Variants in PDZD2 observed in about 807,000 individuals in gnomAD.
PDZD2 encodes PDZ domain-containing protein 2.
In PDZD2, 90 loss-of-function variants were observed where a neutral mutation model predicts 220.7. The ratio of observed to expected loss-of-function variants is 0.41; its 90% CI spans 0.34 to 0.49. The LOEUF (loss-of-function observed/expected upper bound fraction) is 0.49, where lower values mean the gene tolerates loss of function less well. Ranked by LOEUF, PDZD2 falls within the 20% of genes least tolerant of loss-of-function variation. The pLI is 0.28. For missense variants in PDZD2, 3,174 were observed against 3,608.5 expected (o/e 0.88, Z 3.08); for synonymous variants, 1,375 against 1,450.5 (o/e 0.95, Z 1.18).
At chr5:32,023,381 A>C (rs1754382893) in intron 6 of PDZD2, among the ~76,000 whole-genome samples, 1 of 152,088 alleles carries the variant, frequency 6.6e-6, no homozygotes, top group Non-Finnish European at 1.5e-5. Flanking sequence ...ACCACCACCA[A>C]CAACCCAAAA....
Position 32,088,553 on chromosome 5 carries a change from C to T in PDZD2, c.5105C>T (p.Ala1702Val). The change falls in exon 20 of 25, where the codon GCT becomes GTT. Residue 1702 changes from alanine to valine, a missense_variant. Physicochemically the swap from Ala to Val is moderately conservative, Grantham distance 64. Coordinates refer to ENST00000438447, the MANE Select transcript of PDZD2 (RefSeq NM_178140.4). The surrounding 1 kb of genome is among the most constrained non-coding windows in gnomAD (Gnocchi z 4.6). Reference sequence around the variant, plus strand: ...GAAGAAACCACAGAAGTCACCAGCGCTAGCTCAGCCATGGAAAACAGTCCG... The same window carrying T: ...GAAGAAACCACAGAAGTCACCAGCGTTAGCTCAGCCATGGAAAACAGTCCG... ...CAEETTEVTS[A>V]SSAMENSPLS... 6.2e-7 allele frequency: 1 copy of T among 1,614,120 alleles called. No individual in the cohort carries two copies.
intron 1 of PDZD2, among the ~76,000 whole-genome samples, chr5:31,671,839 T>C (rs1263698678): frequency 1.3e-5 from 2 of 152,244 alleles, no homozygotes. Flanking sequence ...CGGTCAGGTC[T>C]GAAGCTTTGC....
chr5:31,758,698 C>G (rs2150184622), intron 1 of PDZD2, among the ~76,000 whole-genome samples: 1 of 152,266 alleles, frequency 6.6e-6, no homozygotes, highest in Non-Finnish European at 1.5e-5. Flanking sequence ...GAGTCCTCCT[C>G]CCTCCCTTTC....
In PDZD2 at chr5:31,799,439, CCGA is replaced by C; in HGVS notation, c.192_194del (p.Glu65del). 6.2e-7 allele frequency: 1 copy of C among 1,614,210 alleles called. No individual in the cohort carries two copies. Among genetic ancestry groups the C allele is most frequent in the Admixed American group, 1.7e-5 (1 of 60,030 alleles). On this transcript the variant is annotated inframe_deletion, in exon 2 of 25. Coordinates refer to ENST00000438447, the MANE Select transcript of PDZD2 (RefSeq NM_178140.4). The stretch of plus-strand genomic sequence containing the variant: ...ACGGTCCCACCTGATCACAGCCCCC[CCGA>C]AATGGAGATCTGTACTGTGTACCTC...
chr5:31,776,671 C>T (rs567786878), intron 1 of PDZD2, among the ~76,000 whole-genome samples: 39 of 137,020 alleles, frequency 2.8e-4, no homozygotes, highest in South Asian at 2.6e-3. Flanking sequence ...TATTTTGAGA[C>T]GGAGTCTTGC....
chr5:31,992,948 C>T (rs1040743929), intron 3 of PDZD2, among the ~76,000 whole-genome samples: 7 of 151,764 alleles, frequency 4.6e-5, no homozygotes, highest in African/African-American at 1.7e-4. Flanking sequence ...GCGTGGGAGG[C>T]CCAGAAAGCC....
intron 2 of PDZD2, among the ~76,000 whole-genome samples, chr5:31,902,205 A>G (rs79971548): frequency 0.029 from 4,366 of 152,286 alleles, 96 homozygotes; most frequent in Non-Finnish European, 0.043. Flanking sequence ...CCTACCAACA[A>G]TGCATGAGGG....
intron 6 of PDZD2, among the ~76,000 whole-genome samples, chr5:32,018,837 T>C (rs201863167): frequency 6.6e-6 from 1 of 152,202 alleles, no homozygotes; most frequent in Admixed American, 6.5e-5. Flanking sequence ...CAGAGCAAGA[T>C]AGGAAAGACG....
Position 32,090,596 on chromosome 5 carries a change from G to A in PDZD2, c.7148G>A (p.Gly2383Asp), listed in dbSNP as rs1171252231. The change falls in exon 20 of 25, where the codon GGC becomes GAC. Residue 2383 changes from glycine (G) to aspartate (D), a missense_variant. Gly to Asp is a moderately conservative substitution (Grantham distance 94, BLOSUM62 -1). Coordinates refer to ENST00000438447, the MANE Select transcript of PDZD2 (RefSeq NM_178140.4). The surrounding 1 kb of genome is among the most constrained non-coding windows in gnomAD (Gnocchi z 4.3). ...GGCAGCATTGTTTCCGGGAGCCTGG[G>A]CCACCCAGGTGACGCAGCAGCAAGG... The part of the protein sequence containing the change: ...SSGSIVSGSL[G>D]HPGDAAARLL... The A allele has an allele frequency of 4.1e-5, 66 of 1,613,890 alleles. No individual in the cohort carries two copies. The highest frequency in any genetic ancestry group is 5.3e-5 in the Non-Finnish European group (62 of 1,180,002).
intron 14 of PDZD2, among the ~76,000 whole-genome samples, chr5:32,061,574 A>T (rs1739693487): frequency 6.6e-6 from 1 of 152,182 alleles, no homozygotes; most frequent in African/African-American, 2.4e-5. Context: ...TTGAATGATT[A>T]ATTTATTTTT....
At chr5:31,804,121 A>C (rs1754574782) in intron 2 of PDZD2, among the ~76,000 whole-genome samples, 1 of 152,040 alleles carries the variant, frequency 6.6e-6, no homozygotes. Flanking sequence ...ACAGCTGAGG[A>C]AGTAAAATCT....
intron 1 of PDZD2, among the ~76,000 whole-genome samples, chr5:31,730,178 G>A (rs1008516988): frequency 6.6e-6 from 1 of 152,160 alleles, no homozygotes; most frequent in Non-Finnish European, 1.5e-5. Flanking sequence ...TGACTCCTAT[G>A]TACTTCTAGC....
chr5:32,074,288 A>G lies in PDZD2; in HGVS notation c.3182A>G (p.Asp1061Gly). 2 of 1,614,112 alleles carry G rather than the reference A, an allele frequency of 1.2e-6. No individual in the cohort carries two copies. Among genetic ancestry groups the G allele is most frequent in the South Asian group, 2.2e-5 (2 of 91,080 alleles). The change falls in exon 18 of 25, where the codon GAC becomes GGC. Residue 1061 changes from aspartate (D) to glycine (G), a missense_variant. Asp to Gly is a moderately conservative substitution (Grantham distance 94). Around this residue, in one of 4 missense-constraint regions of PDZD2, gnomAD observed 1,861 missense variants for 2,001.0 expected, o/e 0.93. Transcript: ENST00000438447. Reference sequence around the variant, plus strand: ...GCGTCCTATGCAGCCAACCTCACGGACTCTGCAGAGGCCCCCAAGGGGAGC... The same window carrying G: ...GCGTCCTATGCAGCCAACCTCACGGGCTCTGCAGAGGCCCCCAAGGGGAGC... Reference protein sequence around the residue: ...DAASYAANLTDSAEAPKGSPG... With the variant: ...DAASYAANLTGSAEAPKGSPG...
At chr5:32,100,400 C>T (rs1259474671) in intron 23 of PDZD2, 1 of 189,490 alleles carries the variant, frequency 5.3e-6, no homozygotes, top group Non-Finnish European at 1.1e-5. Context: ...AAGTACAAGG[C>T]AAGTTTACAA....
At chr5:31,989,337 T>C (rs534653984) in intron 3 of PDZD2, among the ~76,000 whole-genome samples, 38 of 152,162 alleles carry the variant, frequency 2.5e-4, no homozygotes, top group Admixed American at 4.6e-4. Context: ...GGCCTTTGGT[T>C]CCATCCATGT....
intron 1 of PDZD2, among the ~76,000 whole-genome samples, chr5:31,715,642 A>G (rs572862876): frequency 6.6e-6 from 1 of 152,368 alleles, no homozygotes; most frequent in Admixed American, 6.5e-5. Flanking sequence ...GTTGTTCACT[A>G]GAAAAGCCAC....
At chr5:32,052,553 G>T in intron 8 of PDZD2, 58 bp from the exon 9 acceptor site, 1 of 1,546,886 alleles carries the variant, frequency 6.5e-7, no homozygotes, top group Non-Finnish European at 8.9e-7. Context: ...TTTTCTGCCA[G>T]ATACCACAAT....
At chr5:32,053,476 G>A (rs1317879522) in intron 9 of PDZD2, among the ~76,000 whole-genome samples, 2 of 152,210 alleles carry the variant, frequency 1.3e-5, no homozygotes, top group African/African-American at 4.8e-5. Context: ...CATTTGTGGA[G>A]GTCAAAGATT....
Position 31,826,318 on chromosome 5 carries a change from A to T in PDZD2, c.476+26594A>T, listed in dbSNP as rs77123991. Among the ~76,000 whole-genome samples the T allele has an allele frequency of 4.6e-5, 7 of 152,226 alleles. No individual in the cohort carries two copies. In the East Asian group the frequency reaches 1.4e-3, roughly 29 times the overall value. Reference sequence around the variant, plus strand: ...TAGGAGTGAGGCTCCAAACCTTTTCAGGTAACAGTTCCCTGCAAAGTCTGA... The same window carrying T: ...TAGGAGTGAGGCTCCAAACCTTTTCTGGTAACAGTTCCCTGCAAAGTCTGA... On this transcript the variant is annotated intron_variant, in intron 2 of 24. Coordinates refer to ENST00000438447, the MANE Select transcript of PDZD2 (RefSeq NM_178140.4).
Sources: gnomAD v4.1 joint callset for allele counts (sites outside exome capture counted in the v4.1 genomes callset) on GRCh38, gnomAD v4.1.1 for gene constraint, gnomAD v4.1.1 regional missense constraint, Gnocchi (gnomAD v3.1) non-coding constraint, MANE v1.5 for transcripts, NCBI Gene and HGNC (gene_info 2026-07-23, HGNC 2026-07-21) for gene names.